The following TANC2 variants were observed in gnomAD, a reference collection of about 807,000 sequenced individuals.
The protein encoded by TANC2 is protein TANC2.
A neutral mutation model predicts 210.5 loss-of-function variants in TANC2; 26 were observed. The ratio of observed to expected loss-of-function variants is 0.12; its 90% confidence interval spans 0.09 to 0.17. TANC2 has a LOEUF of 0.17. Among genes scored for constraint, TANC2 ranks in the 10% least tolerant of loss-of-function variants. The pLI is 1.00. For synonymous variants in TANC2, 931 were observed against 967.1 expected (o/e 0.96, Z 0.69); for missense variants, 2,129 against 2,608.9 (o/e 0.82, Z 4.01).
chr17:62,998,903 A>G (rs767758571), intron 1 of TANC2, among the ~76,000 whole-genome samples: 21 of 152,220 alleles, frequency 1.4e-4, no homozygotes, highest in Non-Finnish European at 2.8e-4. Context: ...CACATATATC[A>G]ATATCAACAC....
At chr17:63,045,469 ATCTT>A (rs1407577595) in intron 2 of TANC2, among the ~76,000 whole-genome samples, 2 of 152,172 alleles carry the variant, frequency 1.3e-5, no homozygotes, top group Non-Finnish European at 2.9e-5. Context: ...TATTTCAGGA[ATCTT>A]TCTTTACTCA....
chr17:63,041,921 C>T (rs1430139199), intron 2 of TANC2, among the ~76,000 whole-genome samples: 1 of 152,098 alleles, frequency 6.6e-6, no homozygotes, highest in Non-Finnish European at 1.5e-5. Flanking sequence ...TTGGTGAGGG[C>T]ACATTGTTAT....
At chr17:63,351,339 G>A (rs201947596) in exon 13 of TANC2, 2 of 1,610,992 alleles carry the variant, frequency 1.2e-6, no homozygotes, top group Admixed American at 1.7e-5. Flanking sequence ...GGATACAATT[G>A]TATCGTTTCT....
chr17:63,421,279 C>T lies in TANC2; in HGVS notation c.5549C>T (p.Pro1850Leu), dbSNP rs200671950. The T allele has an allele frequency of 5.2e-4, 842 of 1,613,904 alleles. No individual in the cohort carries two copies. The highest frequency in any genetic ancestry group is 6.6e-4 in the Non-Finnish European group (781 of 1,179,914). ...AACCCTAACGAAATCAAACCGCACC[C>T]GCCAACTCCCAGGCCGTTGCTGCAT... Residue 1850 changes from proline to leucine, a missense_variant, in exon 28 of 28, where the codon CCG becomes CTG. This residue lies in a region of TANC2 where 584 missense variants were observed against 627.3 expected (regional missense o/e 0.93). Transcript: ENST00000689528. The surrounding 1 kb of genome is among the most constrained non-coding windows in gnomAD (Gnocchi z 6.9).
intron 11 of TANC2, among the ~76,000 whole-genome samples, chr17:63,334,731 C>T (rs2045969873): frequency 6.6e-6 from 1 of 152,148 alleles, no homozygotes; most frequent in South Asian, 2.1e-4. Flanking sequence ...AGAACCTTAA[C>T]AAAGTGATCA....
At position 63,131,006 on chromosome 17, in the gene TANC2, C is replaced by T. The variant is rs2038897476; in HGVS notation, c.323-20264C>T. On this transcript the variant is annotated intron_variant, in intron 4 of 27. Transcript: ENST00000689528. The stretch of plus-strand genomic sequence containing the variant: ...AGAGTTTATAAGAGTCAACCAGCAT[C>T]AGTGAAGATTCAGGGAGCTGAAACT... 3 of 152,262 alleles carry T rather than the reference C, an allele frequency of 2.0e-5. No homozygotes were observed. The South Asian group carries it at 6.2e-4, about 32-fold the overall frequency. 9.4% of individuals were successfully genotyped at this position (152,262 alleles called of 1,614,324 possible).
intron 11 of TANC2, chr17:63,332,570 G>A (rs538306132): frequency 9.2e-5 from 29 of 313,566 alleles, no homozygotes; most frequent in South Asian, 5.0e-4. Context: ...CACAGGCCCC[G>A]CTGCCTCTAC....
At chr17:63,350,934 A>G (rs2146874291) in intron 12 of TANC2, among the ~76,000 whole-genome samples, 1 of 152,200 alleles carries the variant, frequency 6.6e-6, no homozygotes, top group East Asian at 1.9e-4. Flanking sequence ...TGTAAGAGAA[A>G]AATTACTTCC....
chr17:62,979,622 TG>T (rs2032200261), intron 1 of TANC2, among the ~76,000 whole-genome samples: 1 of 152,204 alleles, frequency 6.6e-6, no homozygotes. Context: ...TTAAAAAATG[TG>T]GCAAGGCAGG....
chr17:63,232,425 T>C (rs1262877733), intron 7 of TANC2, among the ~76,000 whole-genome samples: 1 of 152,266 alleles, frequency 6.6e-6, no homozygotes, highest in Non-Finnish European at 1.5e-5. Flanking sequence ...TGCTGACCTT[T>C]GGATGGGGTT....
chr17:63,205,372 A>AAAAAAAC lies in TANC2; in HGVS notation c.769+4415_769+4416insAAAAAAC, dbSNP rs1472135033. Reference sequence around the variant, plus strand: ...AAAAAAAAAAAAAAAAAAAAAAAAAACCTCATACACCGAAAACTACAAAAC... The same window carrying AAAAAAAC: ...AAAAAAAAAAAAAAAAAAAAAAAAAAAAAAAACCCTCATACACCGAAAACTACAAAAC... On this transcript the variant is annotated intron_variant, in intron 7 of 27. Transcript: ENST00000689528. Among the ~76,000 whole-genome samples the AAAAAAAC allele has an allele frequency of 5.2e-4, 68 of 131,848 alleles. 5 individuals carry two copies. The highest frequency in any genetic ancestry group is 1.0e-3 in the African/African-American group (33 of 32,128). The allele number at this position is 131,848 out of a possible 152,430, so 86.5% of individuals were successfully genotyped here.
chr17:63,122,927 A>G (rs2038542565), intron 4 of TANC2, among the ~76,000 whole-genome samples: 1 of 152,226 alleles, frequency 6.6e-6, no homozygotes, highest in South Asian at 2.1e-4. Context: ...AGTGTACAAA[A>G]TGCATTCAAG....
At chr17:63,209,709 A>C (rs988602054) in intron 7 of TANC2, among the ~76,000 whole-genome samples, 4 of 152,212 alleles carry the variant, frequency 2.6e-5, no homozygotes, top group African/African-American at 9.6e-5. Context: ...CTGGGATTAC[A>C]GGCGTGAGCC....
intron 4 of TANC2, among the ~76,000 whole-genome samples, chr17:63,147,010 G>A (rs140921479): frequency 6.6e-6 from 1 of 152,104 alleles, no homozygotes; most frequent in Non-Finnish European, 1.5e-5. Flanking sequence ...CAACACAAGA[G>A]TTAAATCGGT....
Position 63,421,087 on chromosome 17 carries a change from C to G in TANC2, c.5357C>G (p.Ser1786Cys). Residue 1786 changes from serine (S) to cysteine (C), a missense_variant, in exon 28 of 28, where the codon TCC becomes TGC. By Grantham distance (112) the Ser-to-Cys change is moderately radical. Coordinates refer to ENST00000689528, the Ensembl canonical transcript of TANC2. The surrounding 1 kb of genome is among the most constrained non-coding windows in gnomAD (Gnocchi z 6.9). The stretch of plus-strand genomic sequence containing the variant: ...AAAGAGGATCTTCCACAGCGACCTT[C>G]CTCAGCATACCGAGGTGGCGTGAGA... 3 of 1,613,998 alleles carry G rather than the reference C, an allele frequency of 1.9e-6. No homozygotes were observed. Among genetic ancestry groups the G allele is most frequent in the Non-Finnish European group, 2.5e-6 (3 of 1,179,882 alleles).
chr17:63,390,645 G>T (rs935063668), intron 17 of TANC2: 4 of 152,022 alleles, frequency 2.6e-5, no homozygotes, highest in African/African-American at 9.7e-5. Context: ...TTCCTATTTT[G>T]TAGAGGCAGG....
At position 63,420,259 on chromosome 17, in the gene TANC2, G is replaced by C. The variant is rs754716210; in HGVS notation, c.4529G>C (p.Gly1510Ala). Reference sequence around the variant, plus strand: ...CAGGATGTTGAAAATGTTTCCATTGGCCTCCAGACAGAGGCCCGGCCCAGC... The same window carrying C: ...CAGGATGTTGAAAATGTTTCCATTGCCCTCCAGACAGAGGCCCGGCCCAGC... The change falls in exon 28 of 28, where the codon GGC (glycine) becomes GCC (alanine). Residue 1510 changes from glycine to alanine, a missense_variant. Coordinates refer to ENST00000689528, the Ensembl canonical transcript of TANC2. This position sits in a 1 kb window ranked among gnomAD's most constrained non-coding sequence, Gnocchi z 4.2. 1 of 1,613,578 alleles carries C rather than the reference G, an allele frequency of 6.2e-7. No individual in the cohort carries two copies. The highest frequency in any genetic ancestry group is 1.7e-5 in the Admixed American group (1 of 59,986).
chr17:63,237,658 C>G (rs979922798), intron 7 of TANC2, among the ~76,000 whole-genome samples, 156 bp from the exon 8 acceptor site: 8 of 152,044 alleles, frequency 5.3e-5, no homozygotes, highest in Non-Finnish European at 1.2e-4. Context: ...GATAGGGGTC[C>G]AGTTTCATTC....
intron 14 of TANC2, among the ~76,000 whole-genome samples, chr17:63,362,841 A>C (rs992071747): frequency 6.6e-6 from 1 of 152,136 alleles, no homozygotes; most frequent in Non-Finnish European, 1.5e-5. Context: ...GTCTGCAGCC[A>C]TGGCTGGGCA....
Sources: allele counts gnomAD v4.1 joint callset (sites outside exome capture counted in the v4.1 genomes callset), GRCh38; gene constraint gnomAD v4.1.1; regional missense constraint gnomAD v4.1.1; non-coding constraint Gnocchi (gnomAD v3.1); transcripts MANE v1.5; gene names NCBI Gene and HGNC (gene_info 2026-07-23, HGNC 2026-07-21).